MCC: variants seen among roughly 807,000 people sequenced by gnomAD.
MCC encodes MCC regulator of Wnt signaling pathway, also known as colorectal mutant cancer protein.
Under a neutral mutation model 116.2 loss-of-function variants are expected in MCC, and 90 were observed. The observed-to-expected ratio is 0.77, with a 90% CI of 0.65 to 0.92. The LOEUF is 0.92. Ranked by LOEUF, MCC falls within the 40% of genes least tolerant of loss-of-function variation. MCC has a pLI of 0.00. For synonymous variants in MCC, 578 were observed against 510.5 expected (o/e 1.13, Z -1.78); for missense variants, 1,516 against 1,312.2 (o/e 1.16, Z -2.40).
intron 3 of MCC, among the ~76,000 whole-genome samples, chr5:113,328,473 C>G (rs557951527): frequency 2.0e-4 from 31 of 152,312 alleles, no homozygotes; most frequent in Admixed American, 1.6e-3. Context: ...GGATCCACCT[C>G]TCTTACTACT....
chr5:113,190,343 G>T (rs1049401686), intron 3 of MCC, among the ~76,000 whole-genome samples: 1 of 152,120 alleles, frequency 6.6e-6, no homozygotes, highest in Non-Finnish European at 1.5e-5. Context: ...AATAGGGGTG[G>T]CAGGCAATCG....
At chr5:113,136,853 T>C (rs1049031647) in intron 5 of MCC, among the ~76,000 whole-genome samples, 7 of 152,204 alleles carry the variant, frequency 4.6e-5, no homozygotes, top group Non-Finnish European at 1.0e-4. Context: ...CCTTTATTTC[T>C]TTCTTTCCTA....
intron 3 of MCC, among the ~76,000 whole-genome samples, chr5:113,158,560 G>A (rs866163636): frequency 2.0e-5 from 3 of 152,096 alleles, no homozygotes; most frequent in South Asian, 2.1e-4. Context: ...AATAGTTACC[G>A]TTTGCTGAAT....
chr5:113,276,335 A>G (rs145433545), intron 3 of MCC, among the ~76,000 whole-genome samples: 1 of 152,344 alleles, frequency 6.6e-6, no homozygotes, highest in Admixed American at 6.5e-5. Flanking sequence ...ACTGAACTTT[A>G]TAGTCTTTGG....
chr5:113,297,513 C>T (rs930907585), intron 3 of MCC, among the ~76,000 whole-genome samples: 6 of 151,812 alleles, frequency 4.0e-5, no homozygotes, highest in South Asian at 2.1e-4. Context: ...TGCAGTAAGC[C>T]GAGACCGCAC....
At chr5:113,443,991 T>TTG (rs34145955) in intron 1 of MCC, among the ~76,000 whole-genome samples, 49,377 of 143,858 alleles carry the variant, frequency 0.34, 8,492 homozygotes, top group Admixed American at 0.42. Flanking sequence ...CTCGGCTAAT[T>TTG]TGTGTGTGTG....
intron 3 of MCC, among the ~76,000 whole-genome samples, chr5:113,174,065 A>C (rs138420433): frequency 1.6e-3 from 239 of 152,350 alleles, no homozygotes; most frequent in Admixed American, 3.1e-3. Context: ...AGAACTACAG[A>C]AATGTGTCTA....
intron 13 of MCC, among the ~76,000 whole-genome samples, chr5:113,065,966 T>A (rs1357844521): frequency 6.6e-6 from 1 of 152,224 alleles, no homozygotes; most frequent in Non-Finnish European, 1.5e-5. Flanking sequence ...CTCCCTCCTG[T>A]CATTTCTCTG....
chr5:113,263,959 G>T (rs1431771385), intron 3 of MCC, among the ~76,000 whole-genome samples: 1 of 151,908 alleles, frequency 6.6e-6, no homozygotes, highest in Non-Finnish European at 1.5e-5. Context: ...CACGTGGTCA[G>T]ATTGGAAACC....
chr5:113,268,354 C>G (rs1007236880), intron 3 of MCC, among the ~76,000 whole-genome samples: 2 of 152,202 alleles, frequency 1.3e-5, no homozygotes, highest in African/African-American at 4.8e-5. Context: ...CACACGTGCA[C>G]AGCACCACCA....
At chr5:113,413,453 G>GT (rs1770049723) in intron 1 of MCC, among the ~76,000 whole-genome samples, 2 of 152,186 alleles carry the variant, frequency 1.3e-5, no homozygotes, top group African/African-American at 4.8e-5. Context: ...TTCAGAGCCT[G>GT]TTATTGGTCT....
intron 1 of MCC, among the ~76,000 whole-genome samples, chr5:113,411,029 C>T (rs1769976153): frequency 6.6e-6 from 1 of 152,104 alleles, no homozygotes; most frequent in African/African-American, 2.4e-5. Flanking sequence ...AGGTTGGTTC[C>T]AAGTCTTTGC....
At chr5:113,333,939 G>C (rs1767808312) in intron 3 of MCC, among the ~76,000 whole-genome samples, 1 of 80,356 alleles carries the variant, frequency 1.2e-5, no homozygotes, top group Non-Finnish European at 2.2e-5. Context: ...TTTGAGGGAA[G>C]ACAAGGAGAC....
chr5:113,448,962 T>C (rs1008974076), intron 1 of MCC, among the ~76,000 whole-genome samples: 4 of 152,238 alleles, frequency 2.6e-5, no homozygotes, highest in East Asian at 3.8e-4. Flanking sequence ...TTGTGTACTA[T>C]ATATTGCATG....
chr5:113,116,596 C>A (rs570724304), intron 6 of MCC, among the ~76,000 whole-genome samples: 8 of 152,296 alleles, frequency 5.3e-5, no homozygotes, highest in African/African-American at 1.7e-4. Flanking sequence ...AATGCCTTTC[C>A]ATTTCCATCT....
intron 3 of MCC, among the ~76,000 whole-genome samples, chr5:113,297,429 G>T (rs1213466214): frequency 1.3e-5 from 2 of 152,014 alleles, no homozygotes; most frequent in Non-Finnish European, 2.9e-5. Flanking sequence ...AGCTGGGCGT[G>T]GTGGCAGGTG....
chr5:113,101,877 C>G lies in MCC; in HGVS notation c.1260G>C (p.Arg420=), dbSNP rs766485823. The part of the protein sequence containing the change: ...LYPNLAEERS[R]WEKELAGLRE... ...TCAGCCCAGCCAGCTCCTTCTCCCA[C>G]CGAGACCTCTCTTCAGCCAGGTTGG... The change falls in exon 8 of 19, where the codon CGG becomes CGC. Residue 420 remains arginine (R), a synonymous_variant. Transcript: ENST00000408903. The G allele has an allele frequency of 6.2e-7, 1 of 1,613,888 alleles. No homozygotes were observed. Among genetic ancestry groups the G allele is most frequent in the Non-Finnish European group, 8.5e-7 (1 of 1,180,048 alleles).
At chr5:113,269,000 G>T (rs529276640) in intron 3 of MCC, among the ~76,000 whole-genome samples, 3 of 152,120 alleles carry the variant, frequency 2.0e-5, no homozygotes, top group Admixed American at 2.0e-4. Context: ...GAAGCAAAAG[G>T]TATCAAAGGA....
At chr5:113,167,827 G>A (rs1760857033) in intron 3 of MCC, among the ~76,000 whole-genome samples, 1 of 152,022 alleles carries the variant, frequency 6.6e-6, no homozygotes, top group Admixed American at 6.6e-5. Context: ...TTAAGGTCTT[G>A]TTATGTTGCC....
Sources: allele counts gnomAD v4.1 joint callset (sites outside exome capture counted in the v4.1 genomes callset), GRCh38; gene constraint gnomAD v4.1.1; transcripts MANE v1.5; gene names NCBI Gene and HGNC (gene_info 2026-07-23, HGNC 2026-07-21).